The following RNASEH2A variants were observed in gnomAD, a reference collection of about 807,000 sequenced individuals.
RNASEH2A encodes the protein RNase H(35).
Under a neutral mutation model 32.7 loss-of-function variants are expected in RNASEH2A, and 30 were observed. The ratio of observed to expected loss-of-function variants is 0.92; its 90% CI spans 0.69 to 1.25. The LOEUF (loss-of-function observed/expected upper bound fraction) is 1.25, where lower values mean the gene tolerates loss of function less well. Among genes scored for constraint, RNASEH2A ranks in the 50% most tolerant of loss-of-function variants. RNASEH2A has a pLI of 0.00. For missense variants in RNASEH2A, 409 were observed against 398.1 expected (o/e 1.03, Z -0.23); for synonymous variants, 147 against 165.4 (o/e 0.89, Z 0.86).
chr19:12,811,495 C>T (rs1221730760), intron 6 of RNASEH2A, among the ~76,000 whole-genome samples: 1 of 151,906 alleles, frequency 6.6e-6, no homozygotes. Context: ...ACCTGTAGTC[C>T]CAGCTACTCT....
intron 6 of RNASEH2A, among the ~76,000 whole-genome samples, chr19:12,810,711 G>A (rs1435485281): frequency 1.3e-5 from 2 of 151,910 alleles, no homozygotes; most frequent in Non-Finnish European, 2.9e-5. Context: ...TGTGTTTTTA[G>A]TAGAGACTAG....
chr19:12,812,457 G>A (rs1247498492), intron 6 of RNASEH2A, among the ~76,000 whole-genome samples: 2 of 152,084 alleles, frequency 1.3e-5, no homozygotes, highest in African/African-American at 4.8e-5. Context: ...GCTTGAACCT[G>A]GGAGGCGGAG....
At position 12,810,057 on chromosome 19, in the gene RNASEH2A, T is replaced by C. The variant is rs772033908; in HGVS notation, c.412-14T>C. On this transcript the variant is annotated splice_polypyrimidine_tract_variant and intron_variant, in intron 4 of 7. Coordinates refer to ENST00000221486, the MANE Select transcript of RNASEH2A (RefSeq NM_006397.3). ...GTTGTTTGTTCAATTAATATGTGTC[T>C]GTTGCTGTGGCAGGTATTCGTGGAC... 2 of 1,614,146 alleles carry C rather than the reference T, an allele frequency of 1.2e-6. No individual in the cohort carries two copies. Among genetic ancestry groups the C allele is most frequent in the Non-Finnish European group, 8.5e-7 (1 of 1,180,028 alleles).
In RNASEH2A at chr19:12,806,764, C is replaced by T. The variant is rs769497414; in HGVS notation, c.91C>T (p.Leu31=). ...GGTGTGCCGCAAGGAGCCTTGCGTC[C>T]TGGGCGTCGATGAGGCGGGCAGGGG... is the stretch of plus-strand genomic sequence containing the variant. The part of the protein sequence containing the change: ...PAVCRKEPCV[L]GVDEAGRGPV... Residue 31 remains leucine, a synonymous_variant, in exon 1 of 8, where the codon CTG becomes TTG. Transcript: ENST00000221486. 8 of 1,576,402 alleles carry T rather than the reference C, an allele frequency of 5.1e-6. No individual in the cohort carries two copies. Among genetic ancestry groups the T allele is most frequent in the Non-Finnish European group, 6.9e-6 (8 of 1,160,964 alleles).
intron 6 of RNASEH2A, 78 bp downstream of exon 6, chr19:12,810,482 T>C (rs1442374890): frequency 1.7e-6 from 2 of 1,191,780 alleles, no homozygotes; most frequent in Non-Finnish European, 1.2e-6. Context: ...CTTTTTTTCC[T>C]TTCTGTCATT....
Position 12,807,242 on chromosome 19 carries a change from T to A in RNASEH2A, c.236T>A (p.Leu79Gln), listed in dbSNP as rs779370736. The A allele has an allele frequency of 6.2e-7, 1 of 1,614,022 alleles. No homozygotes were observed. Among genetic ancestry groups the A allele is most frequent in the Non-Finnish European group, 8.5e-7 (1 of 1,180,030 alleles). Reference sequence around the variant, plus strand: ...CTATTGGAGAGCGAGCGGGAAAGGCTGTTTGCGAAAATGGAGGACACGGAC... The same window carrying A: ...CTATTGGAGAGCGAGCGGGAAAGGCAGTTTGCGAAAATGGAGGACACGGAC... The part of the protein sequence containing the change: ...KTLLESERER[L>Q]FAKMEDTDFV... The change falls in exon 3 of 8, where the codon CTG becomes CAG. Residue 79 changes from leucine (L) to glutamine (Q), a missense_variant. Physicochemically the swap from Leu to Gln is moderately radical, Grantham distance 113. Coordinates refer to ENST00000221486, the MANE Select transcript of RNASEH2A (RefSeq NM_006397.3).
intron 6 of RNASEH2A, 67 bp downstream of exon 6, chr19:12,810,471 T>C (rs1275456816): frequency 1.5e-6 from 2 of 1,303,210 alleles, no homozygotes; most frequent in Non-Finnish European, 2.2e-6. Context: ...TCTGAGGTTT[T>C]CTTTTTTTCC....
Position 12,809,973 on chromosome 19 carries a change from A to G in RNASEH2A, c.412-98A>G. ...ATCCATCCTGGGGACGTGCTGGAGA[A>G]GAGGATTCTGGGTAGCAGGAAGAAC... On this transcript the variant is annotated intron_variant, in intron 4 of 7. Transcript: ENST00000221486. The G allele has an allele frequency of 2.7e-6, 4 of 1,480,568 alleles. No individual in the cohort carries two copies. The South Asian group carries it at 4.6e-5, about 17-fold the overall frequency. 91.7% of individuals were successfully genotyped at this position (1,480,568 alleles called of 1,614,324 possible).
Position 12,812,969 on chromosome 19 carries a change from C to G in RNASEH2A, c.638-114C>G, listed in dbSNP as rs1363904568. ...GCAGTGAGCTGAGATCGCGCCACTG[C>G]ACTCCAGCCTGGCTACAGAGTGGGA... On this transcript the variant is annotated intron_variant, in intron 6 of 7. Coordinates refer to ENST00000221486, the MANE Select transcript of RNASEH2A (RefSeq NM_006397.3). 3 of 1,449,626 alleles carry G rather than the reference C, an allele frequency of 2.1e-6. No individual in the cohort carries two copies. In the African/African-American group the frequency reaches 4.2e-5, roughly 20 times the overall value. 89.8% of individuals were successfully genotyped at this position (1,449,626 alleles called of 1,614,324 possible). A position where few individuals can be genotyped will look rare whatever the true frequency, so the allele number is the denominator to read the frequency against.
intron 6 of RNASEH2A, among the ~76,000 whole-genome samples, chr19:12,811,532 T>A (rs955050271): frequency 1.3e-5 from 2 of 151,726 alleles, no homozygotes; most frequent in African/African-American, 4.8e-5. Flanking sequence ...GTGGGTGGGT[T>A]GCTTGAGCCC....
At position 12,812,966 on chromosome 19, in the gene RNASEH2A, C is replaced by G. The variant is rs570558972; in HGVS notation, c.638-117C>G. ...GTTGCAGTGAGCTGAGATCGCGCCA[C>G]TGCACTCCAGCCTGGCTACAGAGTG... On this transcript the variant is annotated intron_variant, in intron 6 of 7. Coordinates refer to ENST00000221486, the MANE Select transcript of RNASEH2A (RefSeq NM_006397.3). 1.8e-4 allele frequency: 260 copies of G among 1,434,324 alleles called. 2 individuals carry two copies. The African/African-American group carries it at 3.2e-3, about 18-fold the overall frequency. 88.8% of individuals were successfully genotyped at this position (1,434,324 alleles called of 1,614,324 possible). A position where few individuals can be genotyped will look rare whatever the true frequency, so the allele number is the denominator to read the frequency against.
chr19:12,813,166 GC>G lies in RNASEH2A; in HGVS notation c.724del (p.Gln242ArgfsTer74). On this transcript the variant is annotated frameshift_variant, in exon 7 of 8. Transcript: ENST00000221486. LOFTEE classifies it low-confidence loss of function (END_TRUNC). Reference protein sequence around the residue: ...PQFVRFSWRTAQTILEKEAED... With the variant: ...PQFVRFSWRTXQTILEKEAED... ...GTTTGTCCGGTTCAGCTGGCGCACG[GC>G]CCAGACCATCCTGGAGAAAGAGGCG... 6.2e-7 allele frequency: 1 copy of G among 1,613,914 alleles called. No homozygotes were observed. The highest frequency in any genetic ancestry group is 8.5e-7 in the Non-Finnish European group (1 of 1,179,944).
chr19:12,811,558 C>T (rs1969072101), intron 6 of RNASEH2A, among the ~76,000 whole-genome samples: 1 of 151,544 alleles, frequency 6.6e-6, no homozygotes, highest in South Asian at 2.1e-4. Flanking sequence ...TTGGAGGCTG[C>T]AGTGAGCTAT....
chr19:12,809,081 T>C (rs1433210478), intron 4 of RNASEH2A, among the ~76,000 whole-genome samples: 1 of 150,172 alleles, frequency 6.7e-6, no homozygotes, highest in Non-Finnish European at 1.5e-5. Flanking sequence ...GGCAGAAAGA[T>C]GGTCAGCTGG....
chr19:12,809,565 C>T (rs1969043605), intron 4 of RNASEH2A, among the ~76,000 whole-genome samples: 2 of 152,224 alleles, frequency 1.3e-5, no homozygotes, highest in African/African-American at 4.8e-5. Flanking sequence ...GTCTCAACCA[C>T]CTGCCCTCAA....
chr19:12,811,911 A>G (rs185355493), intron 6 of RNASEH2A, among the ~76,000 whole-genome samples: 2 of 145,852 alleles, frequency 1.4e-5, no homozygotes, highest in Admixed American at 7.2e-5. Context: ...GCAAAATTCC[A>G]TCTCAAAATA....
intron 6 of RNASEH2A, 110 bp from the exon 7 acceptor site, chr19:12,812,973 C>G: frequency 6.6e-7 from 1 of 1,506,092 alleles, no homozygotes; most frequent in Non-Finnish European, 9.1e-7. Context: ...CCACTGCACT[C>G]CAGCCTGGCT....
chr19:12,807,222 G>A lies in RNASEH2A; in HGVS notation c.216G>A (p.Leu72=). The change falls in exon 3 of 8, where the codon TTG becomes TTA. Residue 72 remains leucine (L), a synonymous_variant. Coordinates refer to ENST00000221486, the MANE Select transcript of RNASEH2A (RefSeq NM_006397.3). ...TCCTCCCAGACTCAAAGACCCTATT[G>A]GAGAGCGAGCGGGAAAGGCTGTTTG... ...ALKVADSKTL[L]ESERERLFAK... 1 of 1,614,190 alleles carries A rather than the reference G, an allele frequency of 6.2e-7. No homozygotes were observed. The highest frequency in any genetic ancestry group is 8.5e-7 in the Non-Finnish European group (1 of 1,180,026).
In RNASEH2A at chr19:12,807,080, G is replaced by C. The variant is rs1289090477; in HGVS notation, c.199+1G>C. The stretch of plus-strand genomic sequence containing the variant: ...GATCTGGAGGCGCTGAAAGTGGCAG[G>C]TGAGCCCGAGGTGTGCGTCTGGGGA... On this transcript the variant is annotated splice_donor_variant, in intron 2 of 7. Coordinates refer to ENST00000221486, the MANE Select transcript of RNASEH2A (RefSeq NM_006397.3). LOFTEE classifies it high-confidence loss of function. 2.5e-6 allele frequency: 4 copies of C among 1,614,042 alleles called. No individual in the cohort carries two copies. The Admixed American group carries it at 5.0e-5, about 20-fold the overall frequency.
Sources: allele counts gnomAD v4.1 joint callset (sites outside exome capture counted in the v4.1 genomes callset), GRCh38; gene constraint gnomAD v4.1.1; transcripts MANE v1.5; gene names NCBI Gene and HGNC (gene_info 2026-07-23, HGNC 2026-07-21).